Variants in FOXO1 observed in about 807,000 individuals in gnomAD.
FOXO1 encodes forkhead box O1.
In FOXO1, 6 loss-of-function variants were observed where a neutral mutation model predicts 44.1. The observed-to-expected ratio is 0.14, with a 90% CI of 0.07 to 0.27. The LOEUF (loss-of-function observed/expected upper bound fraction) is 0.27, where lower values mean the gene tolerates loss of function less well. FOXO1 is among the 10% of genes least tolerant of loss of function. FOXO1 has a pLI of 1.00. For missense variants in FOXO1, 737 were observed against 888.8 expected (o/e 0.83, Z 2.17); for synonymous variants, 380 against 362.7 (o/e 1.05, Z -0.54).
At chr13:40,659,966 G>C (rs1877985552) in intron 1 of FOXO1, among the ~76,000 whole-genome samples, 2 of 152,128 alleles carry the variant, frequency 1.3e-5, no homozygotes, top group African/African-American at 2.4e-5. Context: ...CTTGATTTTT[G>C]TTCATCCTCA....
intron 1 of FOXO1, among the ~76,000 whole-genome samples, chr13:40,578,659 T>A (rs1874848864): frequency 6.6e-6 from 1 of 152,184 alleles, no homozygotes; most frequent in African/African-American, 2.4e-5. Flanking sequence ...CGGCATGTGC[T>A]CTACAAAATA....
chr13:40,636,286 A>C (rs1271182961), intron 1 of FOXO1, among the ~76,000 whole-genome samples: 1 of 152,082 alleles, frequency 6.6e-6, no homozygotes, highest in Non-Finnish European at 1.5e-5. Flanking sequence ...GTACAACCTC[A>C]AACAAGGTAG....
intron 1 of FOXO1, among the ~76,000 whole-genome samples, chr13:40,594,199 AAGTTAATGGAT>A (rs1875491598): frequency 6.6e-6 from 1 of 152,156 alleles, no homozygotes; most frequent in South Asian, 2.1e-4. Flanking sequence ...CCTCCTTGAA[AAGTTAATGGAT>A]AGTGAACAAA....
At position 40,560,699 on chromosome 13, in the gene FOXO1, A is replaced by G. The variant is rs760729661; in HGVS notation, c.792T>C (p.Ala264=). The G allele has an allele frequency of 1.9e-6, 3 of 1,614,184 alleles. No homozygotes were observed. The South Asian group carries it at 3.3e-5, about 18-fold the overall frequency. ...TCTTGGCAGCTCGGCTTCGGCTCTT[A>G]GCAAATTTACTGTTGTTGTCCATGG... The part of the protein sequence containing the change: ...AASMDNNSKF[A]KSRSRAAKKK... The change falls in exon 2 of 3, where the codon GCT becomes GCC. Residue 264 remains alanine (A), a synonymous_variant. Transcript: ENST00000379561. This position sits in a 1 kb window ranked among gnomAD's most constrained non-coding sequence, Gnocchi z 5.1.
rs191231726 is a variant in FOXO1, at chr13:40,644,990, G to A, written c.630+20593C>T. Among the ~76,000 whole-genome samples the A allele has an allele frequency of 4.6e-5, 7 of 152,244 alleles. No individual in the cohort carries two copies. The East Asian group carries it at 5.8e-4, about 13-fold the overall frequency. ...CAGACTAAACCAGACTACTGCTGGCGACAGAGTCGAGACAACACTGAAAAC... is the reference window on the plus strand; with the variant it reads ...CAGACTAAACCAGACTACTGCTGGCAACAGAGTCGAGACAACACTGAAAAC... On this transcript the variant is annotated intron_variant, in intron 1 of 2. Transcript: ENST00000379561.
At chr13:40,594,577 C>T (rs1198102804) in intron 1 of FOXO1, among the ~76,000 whole-genome samples, 6 of 152,180 alleles carry the variant, frequency 3.9e-5, no homozygotes, top group Non-Finnish European at 7.3e-5. Flanking sequence ...TCTGTGCGTT[C>T]ACCTCACACT....
intron 1 of FOXO1, among the ~76,000 whole-genome samples, chr13:40,572,057 C>T (rs1874539760): frequency 1.3e-5 from 2 of 152,138 alleles, no homozygotes; most frequent in African/African-American, 4.8e-5. Flanking sequence ...GCCTGTTAAT[C>T]CTGTTCATGC....
intron 1 of FOXO1, among the ~76,000 whole-genome samples, chr13:40,642,591 A>G (rs951207518): frequency 2.6e-5 from 4 of 152,192 alleles, no homozygotes; most frequent in Non-Finnish European, 1.5e-5. Flanking sequence ...AAGACCCTCT[A>G]AAGTTTAATT....
Position 40,558,245 on chromosome 13 carries a change from T to G in FOXO1, c.*804A>C, listed in dbSNP as rs1293462744. The G allele has an allele frequency of 6.6e-6, 1 of 152,664 alleles. No individual in the cohort carries two copies. 9.5% of individuals were successfully genotyped at this position (152,664 alleles called of 1,614,324 possible). ...GTAGACTCTAGTTTTAAGAAAACAT[T>G]ATTACAGTTCAATATCTATTCCAAA... On this transcript the variant is annotated 3_prime_UTR_variant, in exon 3 of 3. Coordinates refer to ENST00000379561, the MANE Select transcript of FOXO1 (RefSeq NM_002015.4).
intron 1 of FOXO1, among the ~76,000 whole-genome samples, chr13:40,631,852 G>C (rs1257253855): frequency 6.6e-6 from 1 of 152,190 alleles, no homozygotes; most frequent in Non-Finnish European, 1.5e-5. Context: ...GATTACAATG[G>C]GTTGGCATAA....
chr13:40,616,822 G>A (rs1441954656), intron 1 of FOXO1, among the ~76,000 whole-genome samples: 1 of 152,062 alleles, frequency 6.6e-6, no homozygotes, highest in African/African-American at 2.4e-5. Flanking sequence ...ACACTACATG[G>A]CAGTCTAGAT....
chr13:40,666,534 C>T lies in FOXO1; in HGVS notation c.-322G>A. On this transcript the variant is annotated 5_prime_UTR_variant, in exon 1 of 3. Transcript: ENST00000379561. The stretch of plus-strand genomic sequence containing the variant: ...CGGACGGAAGGACGGACGGACGCCG[C>T]GGGCCGCTTGCTCTCCCCAGCGGCG... 1 of 271,122 alleles carries T rather than the reference C, an allele frequency of 3.7e-6. No homozygotes were observed. Among genetic ancestry groups the T allele is most frequent in the Non-Finnish European group, 6.9e-6 (1 of 143,946 alleles). 16.8% of individuals were successfully genotyped at this position (271,122 alleles called of 1,614,324 possible).
At chr13:40,590,041 G>A (rs1875310052) in intron 1 of FOXO1, among the ~76,000 whole-genome samples, 3 of 152,124 alleles carry the variant, frequency 2.0e-5, no homozygotes, top group Non-Finnish European at 4.4e-5. Context: ...TGTACGATGG[G>A]AGCCTCTCTC....
In FOXO1 at chr13:40,666,042, G is replaced by A. The variant is rs2137950860; in HGVS notation, c.171C>T (p.Gly57=). Residue 57 remains glycine, a synonymous_variant, in exon 1 of 3, where the codon GGC becomes GGT. Coordinates refer to ENST00000379561, the MANE Select transcript of FOXO1 (RefSeq NM_002015.4). ...CAGCGGCAGCCGAGGCCGAGGGCAGGCCCGCCGCGGCGTCGGGGTTGGCAG... is the reference window on the plus strand; with the variant it reads ...CAGCGGCAGCCGAGGCCGAGGGCAGACCCGCCGCGGCGTCGGGGTTGGCAG... ...SAAANPDAAA[G]LPSASAAAVS... The A allele has an allele frequency of 7.7e-7, 1 of 1,299,638 alleles. No individual in the cohort carries two copies. Among genetic ancestry groups the A allele is most frequent in the African/African-American group, 1.5e-5 (1 of 64,680 alleles). 80.5% of individuals were successfully genotyped at this position (1,299,638 alleles called of 1,614,324 possible). A position where few individuals can be genotyped will look rare whatever the true frequency, so the allele number is the denominator to read the frequency against.
intron 1 of FOXO1, among the ~76,000 whole-genome samples, chr13:40,591,741 G>A (rs996807887): frequency 2.0e-5 from 3 of 151,958 alleles, no homozygotes; most frequent in South Asian, 2.1e-4. Context: ...TCACTCTATC[G>A]CCCAGGCTAG....
chr13:40,584,505 A>C, intron 1 of FOXO1, among the ~76,000 whole-genome samples: 2 of 134,818 alleles, frequency 1.5e-5, no homozygotes, highest in African/African-American at 2.7e-5. Flanking sequence ...AAAAAAAGCC[A>C]GATGCAGTGG....
chr13:40,574,679 T>G (rs1485067865), intron 1 of FOXO1, among the ~76,000 whole-genome samples: 1 of 152,216 alleles, frequency 6.6e-6, no homozygotes, highest in African/African-American at 2.4e-5. Context: ...TCTCTGGTAT[T>G]TCAATTTATT....
intron 1 of FOXO1, among the ~76,000 whole-genome samples, chr13:40,622,569 T>G (rs917976149): frequency 6.6e-6 from 1 of 152,098 alleles, no homozygotes; most frequent in African/African-American, 2.4e-5. Context: ...GGCAAATCTG[T>G]CTTTCCCAAG....
At chr13:40,619,742 G>A in intron 1 of FOXO1, 1 of 924,958 alleles carries the variant, frequency 1.1e-6, no homozygotes, top group East Asian at 2.4e-5. Context: ...TCAACAGTAG[G>A]AAGATTAAAA....
Sources: allele counts gnomAD v4.1 joint callset (sites outside exome capture counted in the v4.1 genomes callset), GRCh38; gene constraint gnomAD v4.1.1; non-coding constraint Gnocchi (gnomAD v3.1); transcripts MANE v1.5; gene names NCBI Gene and HGNC (gene_info 2026-07-23, HGNC 2026-07-21).